TET2: variants seen among roughly 807,000 people sequenced by gnomAD.
The protein encoded by TET2 is tet methylcytosine dioxygenase 2, also known as methylcytosine dioxygenase TET2.
A neutral mutation model predicts 142.9 loss-of-function variants in TET2; 299 were observed. That is an observed-to-expected ratio of 2.09 (90% CI 1.90 to 2.30). The LOEUF (loss-of-function observed/expected upper bound fraction) is 2.30. Among genes scored for constraint, TET2 ranks in the 30% most tolerant of loss-of-function variants. The pLI, the probability that TET2 is intolerant of heterozygous loss-of-function variation, is 0.00. For synonymous variants in TET2, 819 were observed against 849.0 expected, an observed-to-expected ratio of 0.96 and a Z score of 0.61; for missense variants, 2,418 against 2,378.0, an observed-to-expected ratio of 1.02 and a Z score of -0.35.
chr4:105,243,723 G>T lies in TET2; in HGVS notation c.3748G>T (p.Glu1250Ter), dbSNP rs1415830017. 3.2e-6 allele frequency: 5 copies of T among 1,551,532 alleles called. No homozygotes were observed. Among genetic ancestry groups the T allele is most frequent in the Admixed American group, 2.0e-5 (1 of 50,992 alleles). ...TGACAAACTCTACTCGGAGCTTACC[G>T]AGACGCTGAGGAAATACGGCACGCT... ...LADKLYSELTETLRKYGTLTN... is the reference protein window; with the variant it reads ...LADKLYSELT Residue 1250 changes from glutamate (E) to a stop codon, truncating the protein, a stop_gained, in exon 6 of 11, where the codon GAG becomes TAG. Coordinates refer to ENST00000380013, the MANE Select transcript of TET2 (RefSeq NM_001127208.3). LOFTEE classifies it high-confidence loss of function.
At position 105,275,095 on chromosome 4, in the gene TET2, C is replaced by T. The variant is rs1731135753; in HGVS notation, c.4585C>T (p.Gln1529Ter). The stretch of plus-strand genomic sequence containing the variant: ...AGTCATGCAGCAGTCCCAGCAGCCC[C>T]AGCCTCTACAGAAGCAGCCACCACA... ...GPVMQQSQQP[Q>*]PLQKQPPQPQ... Residue 1529 changes from glutamine to a stop codon, truncating the protein, a stop_gained, in exon 11 of 11, where the codon CAG becomes TAG. Transcript: ENST00000380013. LOFTEE classifies it low-confidence loss of function (END_TRUNC). 1 of 1,550,624 alleles carries T rather than the reference C, an allele frequency of 6.4e-7. No individual in the cohort carries two copies. The highest frequency in any genetic ancestry group is 8.7e-7 in the Non-Finnish European group (1 of 1,146,428).
chr4:105,222,491 C>T (rs1475209411), intron 2 of TET2, among the ~76,000 whole-genome samples: 1 of 152,108 alleles, frequency 6.6e-6, no homozygotes, highest in Non-Finnish European at 1.5e-5. Context: ...TTTCATGTGT[C>T]TTTTGGCTGC....
At chr4:105,168,768 C>G (rs1261780937) in intron 1 of TET2, among the ~76,000 whole-genome samples, 1 of 152,066 alleles carries the variant, frequency 6.6e-6, no homozygotes, top group African/African-American at 2.4e-5. Context: ...TCCCTAGAGT[C>G]CATTGTGTCA....
At chr4:105,156,569 G>T (rs1723576355) in intron 1 of TET2, among the ~76,000 whole-genome samples, 1 of 151,958 alleles carries the variant, frequency 6.6e-6, no homozygotes, top group Non-Finnish European at 1.5e-5. Context: ...CTATGTCCAG[G>T]TTATACATTA....
intron 2 of TET2, among the ~76,000 whole-genome samples, chr4:105,226,597 C>T (rs1356195485): frequency 6.6e-6 from 1 of 150,538 alleles, no homozygotes; most frequent in Non-Finnish European, 1.5e-5. Flanking sequence ...CTCCCTGTCT[C>T]CTTCCCTCCC....
rs1282992675 is a variant in TET2 at position 105,276,991 on chromosome 4, A to G, written c.*472A>G. On this transcript the variant is annotated 3_prime_UTR_variant, in exon 11 of 11. Transcript: ENST00000380013. ...TGGTGCTGAATATATGATGTACTGA[A>G]ATACTGGAATTATGGCTTTTTGAAA... 4.3e-6 allele frequency: 1 copy of G among 234,128 alleles called. No homozygotes were observed. Among genetic ancestry groups the G allele is most frequent in the African/African-American group, 2.2e-5 (1 of 45,344 alleles). 14.5% of individuals were successfully genotyped at this position (234,128 alleles called of 1,614,324 possible). A position where few individuals can be genotyped will look rare whatever the true frequency, so the allele number is the denominator to read the frequency against.
At chr4:105,168,580 T>A (rs189904468) in intron 1 of TET2, among the ~76,000 whole-genome samples, 469 of 152,232 alleles carry the variant, frequency 3.1e-3, no homozygotes, top group African/African-American at 6.0e-3. Context: ...TCTTTTTTTT[T>A]AAAATTTTAT....
chr4:105,185,117 T>C (rs1299873340), intron 1 of TET2, among the ~76,000 whole-genome samples: 1 of 152,192 alleles, frequency 6.6e-6, no homozygotes, highest in Non-Finnish European at 1.5e-5. Flanking sequence ...GGTGCCTAGC[T>C]TGTAATGATA....
At chr4:105,255,213 G>T (rs1379619734) in intron 6 of TET2, among the ~76,000 whole-genome samples, 11 of 152,176 alleles carry the variant, frequency 7.2e-5, no homozygotes, top group African/African-American at 2.7e-4. Context: ...ATATGAGTAT[G>T]TCGAGTTTTC....
rs1370494983 is a variant in TET2 at position 105,235,133 on chromosome 4, A to G, written c.1191A>G (p.Thr397=). ...FTKDSFSATT[T]PPPPSQLLLS... The stretch of plus-strand genomic sequence containing the variant: ...AGGATTCCTTTTCTGCCACTACCAC[A>G]CCACCACCACCATCACAATTGCTTC... The change falls in exon 3 of 11, where the codon ACA becomes ACG. Residue 397 remains threonine (T), a synonymous_variant. Transcript: ENST00000380013. 3 of 1,613,404 alleles carry G rather than the reference A, an allele frequency of 1.9e-6. No homozygotes were observed. In the South Asian group the frequency reaches 3.3e-5, roughly 18 times the overall value.
At position 105,275,959 on chromosome 4, in the gene TET2, C is replaced by A. The variant is rs141442603; in HGVS notation, c.5449C>A (p.His1817Asn). Residue 1817 changes from histidine (H) to asparagine (N), a missense_variant, in exon 11 of 11, where the codon CAC (histidine) becomes AAC (asparagine). Physicochemically the swap from His to Asn is moderately conservative, Grantham distance 68 (BLOSUM62 1). Coordinates refer to ENST00000380013, the MANE Select transcript of TET2 (RefSeq NM_001127208.3). ...DRTACVQGGL[H>N]KLSDANGQEK... Reference sequence around the variant, plus strand: ...AACTGCTTGTGTCCAAGGAGGCTTACACAAATTAAGTGATGCTAATGGTCA... The same window carrying A: ...AACTGCTTGTGTCCAAGGAGGCTTAAACAAATTAAGTGATGCTAATGGTCA... 4.3e-4 allele frequency: 660 copies of A among 1,551,812 alleles called. 3 individuals are homozygous for A. The African/African-American group carries it at 7.6e-3, about 18-fold the overall frequency.
intron 10 of TET2, among the ~76,000 whole-genome samples, chr4:105,274,657 G>A (rs1331855957): frequency 6.6e-6 from 1 of 152,116 alleles, no homozygotes; most frequent in Non-Finnish European, 1.5e-5. Context: ...TTGCAGTTGA[G>A]TATTACAAAA....
intron 6 of TET2, among the ~76,000 whole-genome samples, chr4:105,252,069 T>C (rs1307742632): frequency 6.6e-6 from 1 of 152,178 alleles, no homozygotes; most frequent in Admixed American, 6.5e-5. Flanking sequence ...AGAGTTCACC[T>C]TTGGTGTTAT....
At chr4:105,182,721 T>A (rs1725193945) in intron 1 of TET2, among the ~76,000 whole-genome samples, 1 of 152,192 alleles carries the variant, frequency 6.6e-6, no homozygotes, top group Non-Finnish European at 1.5e-5. Context: ...ACTGAAGGAA[T>A]TTTTTTAAAA....
chr4:105,276,835 T>TGGTGGGGGGGGGG lies in TET2; in HGVS notation c.*317_*318insGTGGGGGGGGGGG. On this transcript the variant is annotated 3_prime_UTR_variant, in exon 11 of 11. Coordinates refer to ENST00000380013, the MANE Select transcript of TET2 (RefSeq NM_001127208.3). ...TATTGGACGAGATGATATGTAAATG[T>TGGTGGGGGGGGGG]GATCCCCCCCCCCCGCTTACAACTC... The TGGTGGGGGGGGGG allele has an allele frequency of 4.4e-6, 1 of 228,248 alleles. No individual in the cohort carries two copies. The allele number at this position is 228,248 out of a possible 1,614,324, so 14.1% of individuals were successfully genotyped here. A position where few individuals can be genotyped will look rare whatever the true frequency, so the allele number is the denominator to read the frequency against.
At chr4:105,201,606 A>G (rs1464401051) in intron 2 of TET2, among the ~76,000 whole-genome samples, 2 of 152,090 alleles carry the variant, frequency 1.3e-5, no homozygotes, top group Non-Finnish European at 2.9e-5. Flanking sequence ...GGTTTTAAGG[A>G]CTGCTAATTA....
At chr4:105,220,984 A>T (rs1363139625) in intron 2 of TET2, among the ~76,000 whole-genome samples, 1 of 152,152 alleles carries the variant, frequency 6.6e-6, no homozygotes, top group African/African-American at 2.4e-5. Flanking sequence ...TGGATAATAT[A>T]AATGTATCCT....
intron 1 of TET2, among the ~76,000 whole-genome samples, chr4:105,178,247 A>C (rs920515162): frequency 2.6e-5 from 4 of 152,226 alleles, no homozygotes; most frequent in African/African-American, 9.6e-5. Context: ...CAGATGTAAG[A>C]ATATTATTCA....
chr4:105,221,961 G>C (rs1406744862), intron 2 of TET2, among the ~76,000 whole-genome samples: 1 of 147,274 alleles, frequency 6.8e-6, no homozygotes, highest in Non-Finnish European at 1.5e-5. Context: ...GAGAATATGC[G>C]GTGTTTGGTT....
Sources: gnomAD v4.1 joint callset for allele counts (sites outside exome capture counted in the v4.1 genomes callset) on GRCh38, gnomAD v4.1.1 for gene constraint, MANE v1.5 for transcripts, NCBI Gene and HGNC (gene_info 2026-07-23, HGNC 2026-07-21) for gene names.